Variants in TMCO4 observed in about 807,000 individuals in gnomAD.
The protein encoded by TMCO4 is transmembrane and coiled-coil domains 4, also known as transmembrane and coiled-coil domain-containing protein 4.
Under a neutral mutation model 64.7 loss-of-function variants are expected in TMCO4, and 58 were observed. That is an observed-to-expected ratio of 0.90 (90% CI 0.73 to 1.12). The LOEUF (loss-of-function observed/expected upper bound fraction) is 1.12, where lower values mean the gene tolerates loss of function less well. Among genes scored for constraint, TMCO4 ranks in the 50% most tolerant of loss-of-function variants. The probability of loss-of-function intolerance (pLI) is 0.00; values close to 1 mark genes in which losing one functional copy is unlikely to be tolerated. For synonymous variants in TMCO4, 325 were observed against 346.1 expected, an observed-to-expected ratio of 0.94 and a Z score of 0.68; for missense variants, 780 against 825.9, an observed-to-expected ratio of 0.94 and a Z score of 0.68.
chr1:19,754,591 A>T (rs1156898031), intron 7 of TMCO4, among the ~76,000 whole-genome samples: 1 of 152,122 alleles, frequency 6.6e-6, no homozygotes. Context: ...AAAAACCCAG[A>T]CCTGGGAGAC....
chr1:19,780,367 C>T (rs935170414), intron 4 of TMCO4, among the ~76,000 whole-genome samples: 4 of 152,168 alleles, frequency 2.6e-5, no homozygotes, highest in African/African-American at 7.2e-5. Flanking sequence ...CTCATTCACC[C>T]ACCACTCACC....
chr1:19,794,281 C>G (rs999556251), intron 2 of TMCO4, among the ~76,000 whole-genome samples: 12 of 152,202 alleles, frequency 7.9e-5, no homozygotes, highest in Non-Finnish European at 1.3e-4. Context: ...CCCCTTAACC[C>G]AGCTGCTCCA....
At chr1:19,689,259 C>T (rs114364659) in intron 15 of TMCO4, among the ~76,000 whole-genome samples, 1 of 152,120 alleles carries the variant, frequency 6.6e-6, no homozygotes, top group Non-Finnish European at 1.5e-5. Context: ...CTCTAATTAC[C>T]CAGAAGAGGA....
intron 2 of TMCO4, among the ~76,000 whole-genome samples, chr1:19,789,986 G>A (rs527341211): frequency 1.6e-4 from 24 of 151,036 alleles, no homozygotes; most frequent in South Asian, 4.2e-4. Context: ...CTTGGGGGTC[G>A]AGGCTGCAGT....
At chr1:19,752,011 G>A (rs1165761710) in intron 7 of TMCO4, among the ~76,000 whole-genome samples, 3 of 151,582 alleles carry the variant, frequency 2.0e-5, no homozygotes, top group Non-Finnish European at 4.4e-5. Context: ...TGGCGCCACT[G>A]CACTCCAGCC....
At chr1:19,692,478 C>T (rs974222770) in intron 15 of TMCO4, among the ~76,000 whole-genome samples, 7 of 151,642 alleles carry the variant, frequency 4.6e-5, no homozygotes, top group African/African-American at 1.5e-4. Context: ...GCCTATAATC[C>T]CAGCACTTTG....
chr1:19,715,040 G>A (rs1313917851), intron 13 of TMCO4, among the ~76,000 whole-genome samples: 4 of 152,114 alleles, frequency 2.6e-5, no homozygotes, highest in African/African-American at 9.7e-5. Flanking sequence ...CCAGGAGCAT[G>A]AGACCAGCCT....
At chr1:19,796,207 G>A (rs1169032308) in intron 2 of TMCO4, among the ~76,000 whole-genome samples, 3 of 152,174 alleles carry the variant, frequency 2.0e-5, no homozygotes, top group Non-Finnish European at 2.9e-5. Flanking sequence ...TCACAGAAGC[G>A]GAGGTCACAC....
intron 13 of TMCO4, among the ~76,000 whole-genome samples, chr1:19,727,414 A>T (rs964585852): frequency 1.1e-4 from 16 of 152,126 alleles, no homozygotes; most frequent in Admixed American, 7.2e-4. Flanking sequence ...GCAAAACCCA[A>T]CTCATGTCTT....
intron 15 of TMCO4, among the ~76,000 whole-genome samples, chr1:19,694,149 G>A (rs935631924): frequency 6.6e-6 from 1 of 152,056 alleles, no homozygotes; most frequent in South Asian, 2.1e-4. Context: ...CTACAGGCAC[G>A]CACAACCATG....
intron 13 of TMCO4, among the ~76,000 whole-genome samples, chr1:19,715,813 C>T (rs746278998): frequency 4.6e-5 from 7 of 152,188 alleles, no homozygotes; most frequent in Non-Finnish European, 4.4e-5. Context: ...ATGTAAGCCC[C>T]GGGCATCTCC....
chr1:19,730,547 C>T (rs748223596), intron 13 of TMCO4, among the ~76,000 whole-genome samples: 1 of 152,208 alleles, frequency 6.6e-6, no homozygotes, highest in Non-Finnish European at 1.5e-5. Context: ...CAATCCCTGC[C>T]CTCAAGGGGC....
intron 10 of TMCO4, among the ~76,000 whole-genome samples, chr1:19,741,385 C>A (rs1050337748): frequency 6.6e-6 from 1 of 152,208 alleles, no homozygotes; most frequent in Non-Finnish European, 1.5e-5. Flanking sequence ...AGCAGCACAG[C>A]GCTGTGAGTC....
At chr1:19,729,776 A>G (rs1295189092) in intron 13 of TMCO4, among the ~76,000 whole-genome samples, 1 of 152,188 alleles carries the variant, frequency 6.6e-6, no homozygotes, top group East Asian at 1.9e-4. Context: ...AAATAAATAA[A>G]TAAACAAATA....
intron 2 of TMCO4, among the ~76,000 whole-genome samples, chr1:19,795,554 A>G (rs1271654248): frequency 1.3e-5 from 2 of 152,228 alleles, no homozygotes. Flanking sequence ...ATGCTTGGCA[A>G]ATGTTAGCCA....
At chr1:19,692,421 A>G (rs1239518236) in intron 15 of TMCO4, among the ~76,000 whole-genome samples, 2 of 152,134 alleles carry the variant, frequency 1.3e-5, no homozygotes, top group Non-Finnish European at 2.9e-5. Flanking sequence ...CAATGGGGAC[A>G]GTAATGTCTG....
intron 7 of TMCO4, among the ~76,000 whole-genome samples, chr1:19,755,280 C>G (rs573295121): frequency 6.6e-6 from 1 of 152,186 alleles, no homozygotes; most frequent in Admixed American, 6.5e-5. Context: ...CACATGCCAG[C>G]GTGCCCGGCT....
At chr1:19,700,357 C>T (rs1211157193) in intron 14 of TMCO4, among the ~76,000 whole-genome samples, 5 of 152,312 alleles carry the variant, frequency 3.3e-5, no homozygotes, top group Non-Finnish European at 5.9e-5. Flanking sequence ...CCTCCAGCCC[C>T]TCCCTCCACC....
intron 10 of TMCO4, among the ~76,000 whole-genome samples, chr1:19,741,739 TTTC>T (rs1296130649): frequency 2.1e-4 from 22 of 104,982 alleles, no homozygotes; most frequent in South Asian, 7.5e-4. Context: ...TCTTTCTTTC[TTTC>T]TTTTTTTTTT....
Sources: allele counts gnomAD v4.1 joint callset (sites outside exome capture counted in the v4.1 genomes callset), GRCh38; gene constraint gnomAD v4.1.1; transcripts MANE v1.5; gene names NCBI Gene and HGNC (gene_info 2026-07-23, HGNC 2026-07-21).